DOK6: variants seen among roughly 807,000 people sequenced by gnomAD.
DOK6 encodes the protein downstream of tyrosine kinase 6.
Under a neutral mutation model 44.0 loss-of-function variants are expected in DOK6, and 22 were observed. The observed-to-expected ratio is 0.50, with a 90% CI of 0.36 to 0.71. The LOEUF (loss-of-function observed/expected upper bound fraction) is 0.71. Ranked by LOEUF, DOK6 falls within the 30% of genes least tolerant of loss-of-function variation. The probability of loss-of-function intolerance (pLI) is 0.00; values close to 1 mark genes in which losing one functional copy is unlikely to be tolerated. For synonymous variants in DOK6, 166 were observed against 145.5 expected (o/e 1.14, Z -1.01); for missense variants, 340 against 416.4 (o/e 0.82, Z 1.60).
intron 1 of DOK6, among the ~76,000 whole-genome samples, chr18:69,524,826 ATAG>A (rs1461350525): frequency 1.3e-5 from 2 of 151,922 alleles, no homozygotes; most frequent in East Asian, 3.8e-4. Flanking sequence ...TTGTTTGTTT[ATAG>A]AAAAGAAATA....
chr18:69,462,847 T>C (rs1375682835), intron 1 of DOK6, among the ~76,000 whole-genome samples: 3 of 152,184 alleles, frequency 2.0e-5, no homozygotes, highest in Non-Finnish European at 4.4e-5. Flanking sequence ...ACTCAAGCCA[T>C]TAAGAAATGT....
chr18:69,744,602 A>G (rs903108198), intron 6 of DOK6, among the ~76,000 whole-genome samples: 1 of 152,122 alleles, frequency 6.6e-6, no homozygotes, highest in Admixed American at 6.6e-5. Context: ...TCAGAACACT[A>G]AAGAAAATTT....
At chr18:69,718,827 A>G (rs1986941024) in intron 5 of DOK6, among the ~76,000 whole-genome samples, 1 of 152,094 alleles carries the variant, frequency 6.6e-6, no homozygotes, top group Admixed American at 6.6e-5. Flanking sequence ...ATTGACCTGG[A>G]TAAATACTGG....
chr18:69,498,513 G>A (rs1980958525), intron 1 of DOK6, among the ~76,000 whole-genome samples: 1 of 152,134 alleles, frequency 6.6e-6, no homozygotes, highest in East Asian at 1.9e-4. Flanking sequence ...TCTTTATTTT[G>A]GAAAATTCAA....
chr18:69,697,607 C>T (rs550222682), intron 4 of DOK6, among the ~76,000 whole-genome samples: 1 of 150,586 alleles, frequency 6.6e-6, no homozygotes, highest in Non-Finnish European at 1.5e-5. Flanking sequence ...CTGGAACTTG[C>T]AAACTAATCT....
chr18:69,514,832 C>CATAT lies in DOK6; in HGVS notation c.67-49650_67-49647dup, dbSNP rs140643584. On this transcript the variant is annotated intron_variant, in intron 1 of 7. Coordinates refer to ENST00000382713, the MANE Select transcript of DOK6 (RefSeq NM_152721.6). Reference sequence around the variant, plus strand: ...AGACCACATCATGACTAAAGCTCTCCATATATATTTTTTTTTTTTGAAGAA... The same window carrying CATAT: ...AGACCACATCATGACTAAAGCTCTCCATATATATATATTTTTTTTTTTTGAAGAA... Among the ~76,000 whole-genome samples the CATAT allele has an allele frequency of 3.6e-3, 330 of 91,412 alleles. 1 individual carries two copies. The highest frequency in any genetic ancestry group is 7.7e-3 in the African/African-American group (242 of 31,348). The allele number at this position is 91,412 out of a possible 152,430, so 60.0% of individuals were successfully genotyped here. A position where few individuals can be genotyped will look rare whatever the true frequency, so the allele number is the denominator to read the frequency against.
At chr18:69,636,540 A>G (rs1399274327) in intron 3 of DOK6, among the ~76,000 whole-genome samples, 1 of 152,234 alleles carries the variant, frequency 6.6e-6, no homozygotes, top group Non-Finnish European at 1.5e-5. Flanking sequence ...TTTTTGCTGC[A>G]TTTAACTCCA....
At chr18:69,804,453 A>G (rs1000652144) in intron 7 of DOK6, among the ~76,000 whole-genome samples, 2 of 152,176 alleles carry the variant, frequency 1.3e-5, no homozygotes, top group African/African-American at 4.8e-5. Flanking sequence ...GAATATATAC[A>G]TATATACAAT....
At chr18:69,498,380 A>G (rs1427369098) in intron 1 of DOK6, among the ~76,000 whole-genome samples, 2 of 152,208 alleles carry the variant, frequency 1.3e-5, no homozygotes, top group African/African-American at 2.4e-5. Flanking sequence ...AAATCATTAT[A>G]AACCCAGAAG....
rs559651828 is a variant in DOK6 at position 69,473,150 on chromosome 18, A to T, written c.66+71840A>T. Among the ~76,000 whole-genome samples the T allele has an allele frequency of 2.0e-3, 306 of 152,324 alleles. 5 individuals are homozygous for T. In the South Asian group the frequency reaches 0.023, roughly 12 times the overall value. On this transcript the variant is annotated intron_variant, in intron 1 of 7. Transcript: ENST00000382713. The stretch of plus-strand genomic sequence containing the variant: ...TATAACCCTGCTTTCCAAAGATGAG[A>T]GAGAAGTTCATACTTGCTGTTTCAT...
chr18:69,478,483 C>G (rs113936377), intron 1 of DOK6, among the ~76,000 whole-genome samples: 1,684 of 151,850 alleles, frequency 0.011, 38 homozygotes, highest in African/African-American at 0.039. Flanking sequence ...GTTTTATTTC[C>G]TAATCTAAAA....
At chr18:69,536,927 T>C (rs1448185239) in intron 1 of DOK6, among the ~76,000 whole-genome samples, 1 of 151,256 alleles carries the variant, frequency 6.6e-6, no homozygotes, top group Non-Finnish European at 1.5e-5. Context: ...TAATCAAAAT[T>C]ATCATACAGA....
At chr18:69,823,863 G>A (rs566457510) in intron 7 of DOK6, among the ~76,000 whole-genome samples, 65 of 152,024 alleles carry the variant, frequency 4.3e-4, no homozygotes, top group Non-Finnish European at 7.4e-4. Context: ...AAAAAAAATA[G>A]CATTTACTCT....
chr18:69,617,576 GAA>G (rs561792119), intron 3 of DOK6, among the ~76,000 whole-genome samples: 188 of 104,042 alleles, frequency 1.8e-3, no homozygotes, highest in African/African-American at 5.4e-3. Flanking sequence ...GAAAAAGAAA[GAA>G]AGAGAGAGAG....
At chr18:69,590,968 T>C (rs1983608378) in intron 2 of DOK6, among the ~76,000 whole-genome samples, 1 of 152,156 alleles carries the variant, frequency 6.6e-6, no homozygotes, top group African/African-American at 2.4e-5. Flanking sequence ...AATGCTTCTG[T>C]GTTACTTGTC....
intron 2 of DOK6, among the ~76,000 whole-genome samples, chr18:69,589,138 C>T (rs62095359): frequency 0.16 from 24,297 of 151,950 alleles, 2,569 homozygotes; most frequent in Middle Eastern, 0.27. Flanking sequence ...GATATTGAAG[C>T]ATATAATGTA....
intron 7 of DOK6, among the ~76,000 whole-genome samples, chr18:69,822,717 A>G (rs1981611843): frequency 6.6e-6 from 1 of 152,214 alleles, no homozygotes; most frequent in South Asian, 2.1e-4. Context: ...CTCACAAAAC[A>G]TGCAGAAATG....
chr18:69,796,126 A>T (rs1980738255), intron 7 of DOK6, among the ~76,000 whole-genome samples: 1 of 152,180 alleles, frequency 6.6e-6, no homozygotes, highest in Non-Finnish European at 1.5e-5. Flanking sequence ...GCAGAGACGG[A>T]TCTCAGCAAC....
intron 3 of DOK6, among the ~76,000 whole-genome samples, chr18:69,652,628 C>T (rs188461298): frequency 1.3e-3 from 194 of 152,238 alleles, no homozygotes; most frequent in African/African-American, 4.1e-3. Flanking sequence ...CTTTGGCTGC[C>T]GCATGTGATG....
Sources: gnomAD v4.1 joint callset for allele counts (sites outside exome capture counted in the v4.1 genomes callset) on GRCh38, gnomAD v4.1.1 for gene constraint, MANE v1.5 for transcripts, NCBI Gene and HGNC (gene_info 2026-07-23, HGNC 2026-07-21) for gene names.